The following ACSM6 variants were observed in gnomAD, a reference collection of about 807,000 sequenced individuals.
ACSM6 encodes acyl-CoA synthetase medium chain family member 6, also known as acyl-coenzyme A synthetase ACSM6, mitochondrial.
A neutral mutation model predicts 51.1 loss-of-function variants in ACSM6; 35 were observed. The observed-to-expected ratio is 0.69, with a 90% confidence interval of 0.52 to 0.91. The LOEUF (loss-of-function observed/expected upper bound fraction) is 0.91. Ranked by LOEUF, ACSM6 falls within the 40% of genes least tolerant of loss-of-function variation. The probability of loss-of-function intolerance (pLI) is 0.00; values close to 1 mark genes in which losing one functional copy is unlikely to be tolerated. For missense variants in ACSM6, 509 were observed against 584.1 expected (o/e 0.87, Z 1.32); for synonymous variants, 172 against 207.3 (o/e 0.83, Z 1.46).
chr10:95,202,643 A>G (rs2034806057), intron 3 of ACSM6, among the ~76,000 whole-genome samples: 1 of 152,066 alleles, frequency 6.6e-6, no homozygotes, highest in Non-Finnish European at 1.5e-5. Context: ...ATGTAGGGGT[A>G]CTGGGTGCAG....
At chr10:95,228,737 T>C in exon 11 of ACSM6, 1 of 1,551,740 alleles carries the variant, frequency 6.4e-7, no homozygotes, top group Non-Finnish European at 8.7e-7. Flanking sequence ...CTTCTGGTGG[T>C]CTGGTAGAGT....
intron 10 of ACSM6, among the ~76,000 whole-genome samples, chr10:95,227,724 A>C (rs1479996525): frequency 6.6e-6 from 1 of 152,236 alleles, no homozygotes; most frequent in African/African-American, 2.4e-5. Flanking sequence ...CATTAGATCT[A>C]AGAATCTGGA....
At chr10:95,210,780 A>T in exon 5 of ACSM6, 1 of 1,613,844 alleles carries the variant, frequency 6.2e-7, no homozygotes, top group Non-Finnish European at 8.5e-7. Context: ...AATGGGATTC[A>T]GCCAGGCTTC....
exon 10 of ACSM6, chr10:95,225,309 A>C: frequency 6.4e-7 from 1 of 1,551,590 alleles, no homozygotes; most frequent in Non-Finnish European, 8.7e-7. Flanking sequence ...GAAAACTCAA[A>C]TCTCCTGCCT....
intron 8 of ACSM6, among the ~76,000 whole-genome samples, chr10:95,217,227 A>G (rs189812988): frequency 6.6e-6 from 1 of 152,140 alleles, no homozygotes; most frequent in East Asian, 1.9e-4. Context: ...ACGCACCTGC[A>G]GTCCCAGCTA....
intron 2 of ACSM6, 80 bp from the exon 3 acceptor site, chr10:95,201,905 G>A: frequency 8.2e-7 from 1 of 1,219,734 alleles, no homozygotes; most frequent in Non-Finnish European, 1.2e-6. Context: ...CCACTTGAGG[G>A]TGCTGTCTGG....
At chr10:95,202,938 C>CAAA (rs35376103) in intron 3 of ACSM6, among the ~76,000 whole-genome samples, 10 of 85,854 alleles carry the variant, frequency 1.2e-4, no homozygotes, top group African/African-American at 2.7e-4. Flanking sequence ...GGCTCTGTCT[C>CAAA]AAAAAAAAAA....
rs540361076 is a variant in ACSM6 at position 95,198,888 on chromosome 10, G to A, written c.193-3097G>A. Reference sequence around the variant, plus strand: ...CTATGGAAGAACATTCCATGCTCACGGGTAGGAAGAATCAATATCATGAAA... The same window carrying A: ...CTATGGAAGAACATTCCATGCTCACAGGTAGGAAGAATCAATATCATGAAA... On this transcript the variant is annotated intron_variant, in intron 2 of 10. Coordinates refer to ENST00000341686, the Ensembl canonical transcript of ACSM6. 3.4e-4 allele frequency among the ~76,000 whole-genome samples: 51 copies of A among 152,198 alleles called. 2 individuals are homozygous for A. The South Asian group carries it at 8.5e-3, about 25-fold the overall frequency.
At chr10:95,225,051 T>C (rs937349070) in intron 9 of ACSM6, among the ~76,000 whole-genome samples, 4 of 152,220 alleles carry the variant, frequency 2.6e-5, no homozygotes, top group African/African-American at 9.6e-5. Flanking sequence ...TCCAAGAATC[T>C]CAGAGTCAGA....
At chr10:95,220,372 G>A (rs1361661243) in intron 9 of ACSM6, among the ~76,000 whole-genome samples, 2 of 152,136 alleles carry the variant, frequency 1.3e-5, no homozygotes, top group African/African-American at 2.4e-5. Context: ...TCAGCTGCTC[G>A]GGTGTCGATT....
intron 8 of ACSM6, among the ~76,000 whole-genome samples, chr10:95,219,021 T>C (rs1286534000): frequency 6.6e-6 from 1 of 152,186 alleles, no homozygotes. Context: ...GGCTCATGCC[T>C]ATAGTCCCAG....
intron 7 of ACSM6, among the ~76,000 whole-genome samples, chr10:95,214,225 G>A (rs970128162): frequency 1.3e-5 from 2 of 152,110 alleles, no homozygotes; most frequent in Non-Finnish European, 2.9e-5. Flanking sequence ...CATTAATATG[G>A]TACATTCATG....
chr10:95,214,626 A>G (rs1410844743), intron 7 of ACSM6, among the ~76,000 whole-genome samples: 1 of 152,212 alleles, frequency 6.6e-6, no homozygotes, highest in African/African-American at 2.4e-5. Context: ...TTTTAACATT[A>G]ATGCCGCTTG....
chr10:95,215,024 T>A, intron 8 of ACSM6, 49 bp downstream of exon 8: 1 of 1,546,916 alleles, frequency 6.5e-7, no homozygotes, highest in Non-Finnish European at 8.7e-7. Flanking sequence ...ACTTGCCCAT[T>A]CACTGTGTAA....
intron 8 of ACSM6, among the ~76,000 whole-genome samples, chr10:95,218,242 G>T (rs1213375843): frequency 6.6e-6 from 1 of 152,316 alleles, no homozygotes; most frequent in African/African-American, 2.4e-5. Flanking sequence ...CACACAACCT[G>T]CATGGGAGAA....
chr10:95,198,576 G>A lies in ACSM6; in HGVS notation c.193-3409G>A, dbSNP rs183026890. The stretch of plus-strand genomic sequence containing the variant: ...TGAGGCAGGAGAATTGCTTGAACCC[G>A]GGAGGCAGAGGTTGCAGTGAGCTGA... On this transcript the variant is annotated intron_variant, in intron 2 of 10. Transcript: ENST00000341686. Among the ~76,000 whole-genome samples the A allele has an allele frequency of 4.2e-3, 644 of 151,932 alleles. 4 individuals carry two copies. Among genetic ancestry groups the A allele is most frequent in the Admixed American group, 9.9e-3 (151 of 15,264 alleles).
At chr10:95,213,034 TACCCTCCGGTAACAC>T in intron 7 of ACSM6, 94 bp downstream of exon 7, 1 of 998,474 alleles carries the variant, frequency 1.0e-6, no homozygotes, top group Non-Finnish European at 1.6e-6. Context: ...GATCCAATCT[TACCCTCCGGTAACAC>T]ACTTGTCTTG....
chr10:95,228,063 C>T (rs1466074539), intron 10 of ACSM6, among the ~76,000 whole-genome samples: 2 of 150,940 alleles, frequency 1.3e-5, no homozygotes, highest in African/African-American at 2.4e-5. Context: ...CAGAGTGAGA[C>T]TGTTTCAATT....
intron 8 of ACSM6, among the ~76,000 whole-genome samples, chr10:95,219,362 G>A (rs2034972523): frequency 6.7e-6 from 1 of 150,186 alleles, no homozygotes; most frequent in Non-Finnish European, 1.5e-5. Context: ...AATAGCTTTA[G>A]TATATTTAAA....
Sources: allele counts gnomAD v4.1 joint callset (sites outside exome capture counted in the v4.1 genomes callset), GRCh38; gene constraint gnomAD v4.1.1; transcripts MANE v1.5; gene names NCBI Gene and HGNC (gene_info 2026-07-23, HGNC 2026-07-21).